Variants in CAMKK2 observed in about 807,000 individuals in gnomAD.
The protein encoded by CAMKK2 is calcium/calmodulin-dependent protein kinase kinase 2.
CAMKK2 carries 30 observed loss-of-function variants against 67.2 expected under a neutral mutation model. The ratio of observed to expected loss-of-function variants is 0.45; its 90% confidence interval spans 0.33 to 0.61. The LOEUF is 0.61. Among genes scored for constraint, CAMKK2 ranks in the 20% least tolerant of loss-of-function variants. The pLI is 0.02. For synonymous variants in CAMKK2, 322 were observed against 326.2 expected (o/e 0.99, Z 0.14); for missense variants, 643 against 802.0 (o/e 0.80, Z 2.39).
At chr12:121,265,687 G>C (rs1252091461) in intron 5 of CAMKK2, among the ~76,000 whole-genome samples, 3 of 151,902 alleles carry the variant, frequency 2.0e-5, no homozygotes, top group Non-Finnish European at 4.4e-5. Context: ...GCCAAACCCC[G>C]TCTCTACTAA....
intron 5 of CAMKK2, among the ~76,000 whole-genome samples, chr12:121,267,969 G>A (rs1265865179): frequency 2.0e-5 from 3 of 151,412 alleles, no homozygotes; most frequent in Non-Finnish European, 4.4e-5. Flanking sequence ...CATAATATGT[G>A]AGCTTTTGTG....
At chr12:121,271,891 G>A (rs917776039) in intron 2 of CAMKK2, among the ~76,000 whole-genome samples, 7 of 152,046 alleles carry the variant, frequency 4.6e-5, no homozygotes, top group Non-Finnish European at 4.4e-5. Flanking sequence ...TGTATTTTTA[G>A]TAGAGATGGG....
chr12:121,294,201 G>A (rs1292332589), intron 1 of CAMKK2, among the ~76,000 whole-genome samples: 3 of 152,180 alleles, frequency 2.0e-5, no homozygotes, highest in Non-Finnish European at 4.4e-5. Flanking sequence ...CCAAAGTGCT[G>A]GGATTACAAG....
intron 1 of CAMKK2, among the ~76,000 whole-genome samples, chr12:121,291,824 G>A (rs984617755): frequency 1.9e-4 from 29 of 152,154 alleles, no homozygotes; most frequent in Non-Finnish European, 4.0e-4. Context: ...TTGGGAGGCC[G>A]AGGCGGGCAG....
chr12:121,290,631 G>A (rs189272906), intron 1 of CAMKK2, among the ~76,000 whole-genome samples: 10 of 152,202 alleles, frequency 6.6e-5, no homozygotes, highest in South Asian at 6.2e-4. Flanking sequence ...TTGAGGCTAC[G>A]GTGGGCCATG....
intron 16 of CAMKK2, among the ~76,000 whole-genome samples, chr12:121,242,836 G>A (rs1185541078): frequency 2.9e-4 from 44 of 152,036 alleles, no homozygotes; most frequent in Non-Finnish European, 5.3e-4. Flanking sequence ...TCCGCCTCCC[G>A]GGTTCACGCC....
At chr12:121,289,076 C>A (rs970788978) in intron 1 of CAMKK2, among the ~76,000 whole-genome samples, 3 of 152,120 alleles carry the variant, frequency 2.0e-5, no homozygotes, top group Non-Finnish European at 4.4e-5. Flanking sequence ...CCCCCCACCC[C>A]ACCCCAACCA....
chr12:121,278,346 T>C (rs1194060523), intron 1 of CAMKK2, among the ~76,000 whole-genome samples: 1 of 152,232 alleles, frequency 6.6e-6, no homozygotes, highest in African/African-American at 2.4e-5. Flanking sequence ...TTGGTGCCCA[T>C]CTGATAGTCA....
intron 3 of CAMKK2, chr12:121,269,865 A>G: frequency 3.4e-6 from 1 of 293,192 alleles, no homozygotes; most frequent in Non-Finnish European, 6.4e-6. Flanking sequence ...CCTGGCCAAC[A>G]TGATGAAACC....
intron 2 of CAMKK2, among the ~76,000 whole-genome samples, chr12:121,272,856 C>T (rs1412785629): frequency 6.6e-6 from 1 of 151,980 alleles, no homozygotes; most frequent in Non-Finnish European, 1.5e-5. Flanking sequence ...CTGGGCAACA[C>T]AGCAACCCTC....
intron 3 of CAMKK2, among the ~76,000 whole-genome samples, 184 bp downstream of exon 3, chr12:121,270,714 T>C (rs1895588286): frequency 6.6e-6 from 1 of 152,146 alleles, no homozygotes; most frequent in African/African-American, 2.4e-5. Flanking sequence ...CAGAAACATA[T>C]TTAATTTTAA....
At chr12:121,289,051 G>A (rs1899393596) in intron 1 of CAMKK2, among the ~76,000 whole-genome samples, 2 of 151,982 alleles carry the variant, frequency 1.3e-5, no homozygotes, top group South Asian at 2.1e-4. Flanking sequence ...GGTATAGCCT[G>A]TCACCAGCAC....
At position 121,239,552 on chromosome 12, in the gene CAMKK2, G is replaced by A. The variant is rs1315139254; in HGVS notation, c.*1147C>T. ...CTAGGGAAGCTCAGATCCTCAGGAT[G>A]ATCATTTGTGTGTTGGTCCAGTGAA... On this transcript the variant is annotated 3_prime_UTR_variant, in exon 17 of 17. Coordinates refer to ENST00000404169, the MANE Select transcript of CAMKK2 (RefSeq NM_001270485.2). 6.6e-6 allele frequency: 1 copy of A among 152,206 alleles called. No individual in the cohort carries two copies. Among genetic ancestry groups the A allele is most frequent in the Admixed American group, 6.5e-5 (1 of 15,284 alleles). 9.4% of individuals were successfully genotyped at this position (152,206 alleles called of 1,614,324 possible).
intron 3 of CAMKK2, among the ~76,000 whole-genome samples, chr12:121,270,284 C>T (rs956504937): frequency 5.9e-5 from 9 of 151,450 alleles, no homozygotes; most frequent in Non-Finnish European, 1.0e-4. Context: ...GCAGGAGAAT[C>T]GCTTGAGCCT....
chr12:121,255,676 C>G, intron 8 of CAMKK2, 38 bp from the exon 9 acceptor site: 1 of 1,608,952 alleles, frequency 6.2e-7, no homozygotes, highest in Non-Finnish European at 8.5e-7. Context: ...CAAAGCAGAC[C>G]CGCCAGCCCT....
intron 16 of CAMKK2, among the ~76,000 whole-genome samples, chr12:121,241,780 G>A (rs1350108133): frequency 2.0e-5 from 3 of 152,242 alleles, no homozygotes; most frequent in African/African-American, 7.2e-5. Flanking sequence ...GGAGGGGGGC[G>A]CTGTAACTAG....
intron 1 of CAMKK2, among the ~76,000 whole-genome samples, chr12:121,279,842 T>C (rs1372871563): frequency 6.6e-6 from 1 of 152,204 alleles, no homozygotes; most frequent in Non-Finnish European, 1.5e-5. Flanking sequence ...GAAACGCTCC[T>C]TCCTCTGCCA....
intron 6 of CAMKK2, chr12:121,260,657 T>C (rs968196607): frequency 3.8e-6 from 2 of 521,852 alleles, no homozygotes; most frequent in Non-Finnish European, 6.6e-6. Flanking sequence ...TGAATAAGAA[T>C]CCAGCCTATC....
upstream of CAMKK2, chr12:121,297,129 C>T (rs112966371): frequency 9.1e-5 from 14 of 154,632 alleles, 1 homozygote; most frequent in African/African-American, 3.1e-4. Flanking sequence ...CCAGGTTCTT[C>T]CCGCGGCGCC....
Sources: gnomAD v4.1 joint callset for allele counts (sites outside exome capture counted in the v4.1 genomes callset) on GRCh38, gnomAD v4.1.1 for gene constraint, MANE v1.5 for transcripts, NCBI Gene and HGNC (gene_info 2026-07-23, HGNC 2026-07-21) for gene names.